Variants in RBPJ observed in about 807,000 individuals in gnomAD.
RBPJ encodes the protein recombination signal binding protein for immunoglobulin kappa J region, also known as recombining binding protein suppressor of hairless.
A neutral mutation model predicts 67.8 loss-of-function variants in RBPJ; 9 were observed. The ratio of observed to expected loss-of-function variants is 0.13; its 90% CI spans 0.08 to 0.23. RBPJ has a LOEUF of 0.23. Among genes scored for constraint, RBPJ ranks in the 10% least tolerant of loss-of-function variants. The pLI is 1.00. For synonymous variants in RBPJ, 198 were observed against 203.3 expected (o/e 0.97, Z 0.22); for missense variants, 305 against 595.6 (o/e 0.51, Z 5.08).
chr4:26,255,574 G>A (rs1233887223), intron 1 of RBPJ, among the ~76,000 whole-genome samples: 21 of 150,282 alleles, frequency 1.4e-4, no homozygotes, highest in Admixed American at 7.3e-4. Flanking sequence ...AGGCCAAGGC[G>A]GGCGGATCAC....
chr4:26,275,679 G>A (rs1721055270), intron 1 of RBPJ, among the ~76,000 whole-genome samples: 1 of 152,122 alleles, frequency 6.6e-6, no homozygotes, highest in Non-Finnish European at 1.5e-5. Context: ...TTGCCAGGCT[G>A]GAGTGCAGTA....
chr4:26,390,053 A>C (rs1162166226), intron 2 of RBPJ, among the ~76,000 whole-genome samples: 1 of 152,250 alleles, frequency 6.6e-6, no homozygotes, highest in Non-Finnish European at 1.5e-5. Context: ...ACAAATTTTC[A>C]AATGGAATCC....
chr4:26,214,994 G>GGAAGGACGGAAGGAA lies in RBPJ; in HGVS notation c.-167+51381_-167+51382insAAGGACGGAAGGAAG, dbSNP rs1560214271. ...AGGGAGGGAAGGAAGGAGGGAGGGAGGGAGGGAAGGAAGGAAGGAGAGAAA... is the reference window on the plus strand; with the variant it reads ...AGGGAGGGAAGGAAGGAGGGAGGGAGGAAGGACGGAAGGAAGGAGGGAAGGAAGGAAGGAGAGAAA... On this transcript the variant is annotated intron_variant, in intron 1 of 4. Coordinates refer to the RBPJ transcript ENST00000512351. Among the ~76,000 whole-genome samples the GGAAGGACGGAAGGAA allele has an allele frequency of 2.4e-4, 7 of 29,784 alleles. 1 individual carries two copies. Among genetic ancestry groups the GGAAGGACGGAAGGAA allele is most frequent in the Non-Finnish European group, 3.6e-4 (6 of 16,486 alleles). The allele number at this position is 29,784 out of a possible 152,430, so 19.5% of individuals were successfully genotyped here.
At chr4:26,337,553 A>G (rs1424272050) in intron 1 of RBPJ, among the ~76,000 whole-genome samples, 1 of 151,244 alleles carries the variant, frequency 6.6e-6, no homozygotes, top group Non-Finnish European at 1.5e-5. Flanking sequence ...TACTGCTGCC[A>G]CAAACATATC....
rs9761789 is a variant in RBPJ, at chr4:26,292,313, A to G, written c.-166-70133A>G. ...ATTTTACATAAAAGTGACATCACAC[A>G]GTATTTGCCTTTCTCTGTGTGACTT... On this transcript the variant is annotated intron_variant, in intron 1 of 4. Transcript: ENST00000512351. Among the ~76,000 whole-genome samples the G allele has an allele frequency of 1.1e-3, 169 of 150,990 alleles. 3 individuals are homozygous for G. The highest frequency in any genetic ancestry group is 4.0e-3 in the African/African-American group (166 of 41,140).
chr4:26,151,858 C>G, the RBPJ span, among the ~76,000 whole-genome samples: 1 of 152,220 alleles, frequency 6.6e-6, no homozygotes, highest in African/African-American at 2.4e-5. Context: ...CTTCTCCTGT[C>G]TGGAAAAGGT....
the RBPJ span, among the ~76,000 whole-genome samples, chr4:26,154,031 T>G: frequency 6.6e-6 from 1 of 152,210 alleles, no homozygotes; most frequent in African/African-American, 2.4e-5. Flanking sequence ...GGAACTTGCT[T>G]GATATTCCCC....
At chr4:26,153,421 C>T in the RBPJ span, among the ~76,000 whole-genome samples, 1 of 152,216 alleles carries the variant, frequency 6.6e-6, no homozygotes, top group African/African-American at 2.4e-5. Flanking sequence ...AGCAGGCGTT[C>T]AGTCTCCACC....
At chr4:26,182,214 C>T (rs1054823329) in intron 1 of RBPJ, among the ~76,000 whole-genome samples, 15 of 152,024 alleles carry the variant, frequency 9.9e-5, no homozygotes, top group East Asian at 7.9e-4. Context: ...CCGTGGCGGG[C>T]GCCTGTAGTC....
chr4:26,344,103 TG>T (rs1363880537), intron 1 of RBPJ, among the ~76,000 whole-genome samples: 2 of 152,086 alleles, frequency 1.3e-5, no homozygotes, highest in Non-Finnish European at 2.9e-5. Flanking sequence ...AGGCTGATCT[TG>T]AACTCCTGGC....
intron 1 of RBPJ, among the ~76,000 whole-genome samples, chr4:26,361,110 G>A (rs1728019922): frequency 6.6e-6 from 1 of 151,118 alleles, no homozygotes; most frequent in Non-Finnish European, 1.5e-5. Context: ...TTGTTTTAAG[G>A]AGGAATGGGA....
intron 1 of RBPJ, among the ~76,000 whole-genome samples, chr4:26,218,498 G>A (rs1221986552): frequency 1.3e-5 from 2 of 152,134 alleles, no homozygotes; most frequent in African/African-American, 2.4e-5. Flanking sequence ...CTACCAGGAC[G>A]TACTCATGGG....
At chr4:26,183,483 C>T (rs1367436087) in intron 1 of RBPJ, among the ~76,000 whole-genome samples, 2 of 152,204 alleles carry the variant, frequency 1.3e-5, no homozygotes, top group Non-Finnish European at 2.9e-5. Flanking sequence ...CCATGCCATT[C>T]GTAGGGCCTG....
intron 7 of RBPJ, among the ~76,000 whole-genome samples, chr4:26,426,016 G>A (rs1177041838): frequency 3.3e-5 from 5 of 151,652 alleles, no homozygotes; most frequent in African/African-American, 1.2e-4. Flanking sequence ...CCATGTCAAT[G>A]CAATAAGCTA....
At chr4:26,391,479 A>G (rs1422889025) in intron 2 of RBPJ, among the ~76,000 whole-genome samples, 1 of 152,226 alleles carries the variant, frequency 6.6e-6, no homozygotes, top group Non-Finnish European at 1.5e-5. Context: ...ACACAAAGTA[A>G]CTACAGTCTA....
At chr4:26,291,663 G>A (rs943158711) in intron 1 of RBPJ, among the ~76,000 whole-genome samples, 1 of 149,518 alleles carries the variant, frequency 6.7e-6, no homozygotes. Context: ...TGCAACCTCC[G>A]CCTCCTGGGT....
At chr4:26,180,415 G>A (rs1461730659) in intron 1 of RBPJ, among the ~76,000 whole-genome samples, 1 of 151,976 alleles carries the variant, frequency 6.6e-6, no homozygotes, top group African/African-American at 2.4e-5. Flanking sequence ...CATAAACTGA[G>A]TGTTTGTAAA....
At chr4:26,331,087 G>T (rs969297524) in intron 1 of RBPJ, among the ~76,000 whole-genome samples, 1 of 152,152 alleles carries the variant, frequency 6.6e-6, no homozygotes, top group Non-Finnish European at 1.5e-5. Flanking sequence ...TTTGTTTTAG[G>T]GGGAGGGGAA....
upstream of RBPJ, chr4:26,319,706 C>T: frequency 1.4e-6 from 1 of 707,234 alleles, no homozygotes; most frequent in Non-Finnish European, 2.6e-6. Context: ...ACTGGACTGC[C>T]CGCATTGGGT....
Sources: allele counts gnomAD v4.1 joint callset (sites outside exome capture counted in the v4.1 genomes callset), GRCh38; gene constraint gnomAD v4.1.1; transcripts MANE v1.5; gene names NCBI Gene and HGNC (gene_info 2026-07-23, HGNC 2026-07-21).